The following SFI1 variants were observed in gnomAD, a reference collection of about 807,000 sequenced individuals.
The protein encoded by SFI1 is SFI1 centrin binding protein.
A neutral mutation model predicts 207.5 loss-of-function variants in SFI1; 195 were observed. The ratio of observed to expected loss-of-function variants is 0.94; its 90% confidence interval spans 0.84 to 1.06. The LOEUF is 1.06. Among genes scored for constraint, SFI1 ranks in the 50% least tolerant of loss-of-function variants. The probability of loss-of-function intolerance (pLI) is 0.00; values close to 1 mark genes in which losing one functional copy is unlikely to be tolerated. For missense variants in SFI1, 1,634 were observed against 1,588.0 expected (o/e 1.03, Z -0.49); for synonymous variants, 630 against 598.9 (o/e 1.05, Z -0.76).
At chr22:31,543,833 A>C (rs554294787) in intron 4 of SFI1, among the ~76,000 whole-genome samples, 1 of 151,502 alleles carries the variant, frequency 6.6e-6, no homozygotes, top group South Asian at 2.1e-4. Flanking sequence ...AAAGAAAAAA[A>C]ACTATGAGTG....
chr22:31,608,711 A>G (rs1008743691), intron 22 of SFI1, among the ~76,000 whole-genome samples: 1 of 152,158 alleles, frequency 6.6e-6, no homozygotes, highest in Admixed American at 6.5e-5. Context: ...TTGATGGGAA[A>G]GTCCTTGCTG....
Position 31,613,413 on chromosome 22 carries a change from GT to G in SFI1, c.2626del (p.Trp876GlyfsTer25). 1 of 1,610,924 alleles carries G rather than the reference GT, an allele frequency of 6.2e-7. No homozygotes were observed. The highest frequency in any genetic ancestry group is 8.5e-7 in the Non-Finnish European group (1 of 1,179,788). ...GGAGGAGAAAGAAGGCGCGGCTGCA[GT>G]GGGCGCTCCAGGCCTACCAGGGGCA... ...ERRRKKARLQ[W>X]ALQAYQGQLL... On this transcript the variant is annotated frameshift_variant, in exon 26 of 33. Transcript: ENST00000400288. LOFTEE classifies it high-confidence loss of function.
At chr22:31,517,863 A>C (rs543625991) in intron 2 of SFI1, among the ~76,000 whole-genome samples, 1 of 152,306 alleles carries the variant, frequency 6.6e-6, no homozygotes, top group East Asian at 1.9e-4. Flanking sequence ...CTGATATCTA[A>C]GTAAGACTGC....
chr22:31,548,516 G>A (rs903572916), intron 5 of SFI1, among the ~76,000 whole-genome samples: 37 of 151,966 alleles, frequency 2.4e-4, no homozygotes, highest in Non-Finnish European at 5.1e-4. Context: ...GGCGGCATGC[G>A]CCTGTAGTAC....
At chr22:31,552,710 C>T (rs2060733295) in intron 6 of SFI1, among the ~76,000 whole-genome samples, 2 of 152,054 alleles carry the variant, frequency 1.3e-5, no homozygotes, top group South Asian at 2.1e-4. Flanking sequence ...ATTGCTGGGT[C>T]GAATGGTGGT....
At chr22:31,614,198 T>C in intron 27 of SFI1, 2 of 366,164 alleles carry the variant, frequency 5.5e-6, no homozygotes, top group East Asian at 1.0e-4. Context: ...GCTCAGCTCC[T>C]ACCCGTGCCT....
rs527596789 is a variant in SFI1 at position 31,567,576 on chromosome 22, G to GCT, written c.766-5482_766-5481insCT. 3.3e-5 allele frequency among the ~76,000 whole-genome samples: 5 copies of GCT among 151,526 alleles called. No individual in the cohort carries two copies. The South Asian group carries it at 8.3e-4, about 25-fold the overall frequency. ...TGTCTGTGTGTTTGTGGAGGGGGGG[G>GCT]GTGTGTGTGTCTGTTTGCTTATATT... On this transcript the variant is annotated intron_variant, in intron 8 of 32. Coordinates refer to ENST00000400288, the MANE Select transcript of SFI1 (RefSeq NM_001007467.3).
intron 2 of SFI1, among the ~76,000 whole-genome samples, chr22:31,523,511 C>CTGAT (rs1425445449): frequency 6.6e-6 from 1 of 152,198 alleles, no homozygotes; most frequent in African/African-American, 2.4e-5. Flanking sequence ...GCCAGTCTAT[C>CTGAT]ATCACACCTT....
chr22:31,602,172 T>C, intron 15 of SFI1, 40 bp from the exon 16 acceptor site: 2 of 1,530,778 alleles, frequency 1.3e-6, no homozygotes, highest in Non-Finnish European at 1.8e-6. Context: ...TTAATTTTTA[T>C]GTTTGTTTTA....
chr22:31,507,253 G>C (rs1302533330), intron 1 of SFI1, among the ~76,000 whole-genome samples: 1 of 152,128 alleles, frequency 6.6e-6, no homozygotes, highest in South Asian at 2.1e-4. Flanking sequence ...CCAGCAATGG[G>C]GAAAGGAGTC....
rs778637764 is a variant in SFI1, at chr22:31,611,246, G to A, written c.2358G>A (p.Leu786=). The A allele has an allele frequency of 9.3e-6, 15 of 1,613,388 alleles. No individual in the cohort carries two copies. The highest frequency in any genetic ancestry group is 1.7e-4 in the Middle Eastern group (1 of 5,974). The change falls in exon 23 of 33, where the codon CTG becomes CTA. Residue 786 remains leucine, a synonymous_variant. Transcript: ENST00000400288. ...CAGTGCAACACCACCACCGGCAGCT[G>A]CTGCTGGAGGGGCTGGCCCGGTGGA... The part of the protein sequence containing the change: ...ERAVQHHHRQ[L]LLEGLARWKT...
chr22:31,547,708 C>T (rs1023263527), intron 5 of SFI1, among the ~76,000 whole-genome samples: 7 of 151,500 alleles, frequency 4.6e-5, no homozygotes, highest in East Asian at 2.0e-4. Flanking sequence ...CAACCTCCGC[C>T]GCCTGGGTTC....
chr22:31,588,883 C>T (rs1049455927), intron 14 of SFI1, among the ~76,000 whole-genome samples: 11 of 151,036 alleles, frequency 7.3e-5, no homozygotes, highest in Middle Eastern at 3.2e-3. Flanking sequence ...TATGCTTTTT[C>T]CCCCCAAAGT....
chr22:31,529,018 C>A, intron 3 of SFI1, 155 bp downstream of exon 3: 1 of 636,630 alleles, frequency 1.6e-6, no homozygotes, highest in Non-Finnish European at 2.6e-6. Flanking sequence ...AAAGGATATT[C>A]AGGAACCTGC....
intron 2 of SFI1, among the ~76,000 whole-genome samples, chr22:31,516,106 T>C (rs2056455708): frequency 7.0e-6 from 1 of 141,852 alleles, no homozygotes; most frequent in Non-Finnish European, 1.6e-5. Flanking sequence ...TGAGTATTTG[T>C]ACTAATTAAT....
chr22:31,611,387 T>C, intron 23 of SFI1, 84 bp downstream of exon 23: 1 of 1,443,570 alleles, frequency 6.9e-7, no homozygotes, highest in Non-Finnish European at 9.2e-7. Flanking sequence ...CAGGAAGGGG[T>C]CTTTCCTGAC....
intron 29 of SFI1, 149 bp from the exon 30 acceptor site, chr22:31,616,596 C>A (rs895652149): frequency 2.5e-6 from 2 of 795,514 alleles, no homozygotes; most frequent in Non-Finnish European, 3.9e-6. Context: ...TGAGCTGGCA[C>A]GGCCAGTGCC....
chr22:31,574,728 C>G (rs1789730724), intron 9 of SFI1, among the ~76,000 whole-genome samples: 1 of 152,106 alleles, frequency 6.6e-6, no homozygotes, highest in African/African-American at 2.4e-5. Flanking sequence ...GGAGATGTAG[C>G]TCAGGGATTC....
At chr22:31,575,515 A>C in intron 10 of SFI1, 123 bp downstream of exon 10, 1 of 1,027,032 alleles carries the variant, frequency 9.7e-7, no homozygotes, top group Non-Finnish European at 1.3e-6. Context: ...AAACAGCCTT[A>C]TCTCTGTTGA....
Sources: allele counts gnomAD v4.1 joint callset (sites outside exome capture counted in the v4.1 genomes callset), GRCh38; gene constraint gnomAD v4.1.1; transcripts MANE v1.5; gene names NCBI Gene and HGNC (gene_info 2026-07-23, HGNC 2026-07-21).